RALGAPA2: variants seen among roughly 807,000 people sequenced by gnomAD.
RALGAPA2 encodes ral GTPase-activating protein subunit alpha-2.
In RALGAPA2, 139 loss-of-function variants were observed where a neutral mutation model predicts 230.4. That is an observed-to-expected ratio of 0.60 (90% confidence interval 0.53 to 0.69). The LOEUF is 0.69. Among genes scored for constraint, RALGAPA2 ranks in the 30% least tolerant of loss-of-function variants. RALGAPA2 has a pLI of 0.00. For missense variants in RALGAPA2, 2,163 were observed against 2,276.0 expected (o/e 0.95, Z 1.01); for synonymous variants, 847 against 837.8 (o/e 1.01, Z -0.19).
intron 16 of RALGAPA2, among the ~76,000 whole-genome samples, chr20:20,596,374 A>G (rs1449779269): frequency 6.6e-6 from 1 of 152,248 alleles, no homozygotes; most frequent in Non-Finnish European, 1.5e-5. Context: ...TTAAATGTAA[A>G]CAAAATTAGC....
At chr20:20,677,629 A>AT (rs758379115) in intron 2 of RALGAPA2, among the ~76,000 whole-genome samples, 4,008 of 64,238 alleles carry the variant, frequency 0.062, 869 homozygotes, top group Non-Finnish European at 0.075. Flanking sequence ...GATTTGACCC[A>AT]TTTTTTTTTT....
intron 15 of RALGAPA2, among the ~76,000 whole-genome samples, chr20:20,604,476 C>T (rs2065756243): frequency 6.6e-6 from 1 of 152,184 alleles, no homozygotes; most frequent in African/African-American, 2.4e-5. Flanking sequence ...CTGTAGAATG[C>T]ATCTTAATAG....
intron 23 of RALGAPA2, 115 bp from the exon 24 acceptor site, chr20:20,546,947 C>G: frequency 8.9e-7 from 1 of 1,128,488 alleles, no homozygotes; most frequent in Non-Finnish European, 1.2e-6. Flanking sequence ...GCACAGATTA[C>G]AGAAAATTTT....
At chr20:20,660,858 C>G (rs2067752876) in intron 3 of RALGAPA2, among the ~76,000 whole-genome samples, 1 of 152,126 alleles carries the variant, frequency 6.6e-6, no homozygotes, top group Admixed American at 6.5e-5. Context: ...CTGTCTGCAA[C>G]TAACACCAGT....
chr20:20,428,414 C>T (rs1356493259), intron 37 of RALGAPA2, among the ~76,000 whole-genome samples: 2 of 152,134 alleles, frequency 1.3e-5, no homozygotes, highest in Non-Finnish European at 2.9e-5. Context: ...AAAAAAATAG[C>T]CAAATTGAAT....
chr20:20,464,050 C>T (rs2061361326), intron 37 of RALGAPA2, among the ~76,000 whole-genome samples: 1 of 152,192 alleles, frequency 6.6e-6, no homozygotes, highest in Admixed American at 6.5e-5. Context: ...AGATATTGTC[C>T]TCCACTCAGC....
At chr20:20,506,890 T>G (rs1039278696) in intron 33 of RALGAPA2, among the ~76,000 whole-genome samples, 1 of 152,210 alleles carries the variant, frequency 6.6e-6, no homozygotes. Flanking sequence ...TTTACTCAGC[T>G]TATTCACTTC....
chr20:20,582,231 CACACACA>C (rs2065011120), intron 20 of RALGAPA2, among the ~76,000 whole-genome samples: 1 of 151,198 alleles, frequency 6.6e-6, no homozygotes, highest in Non-Finnish European at 1.5e-5. Flanking sequence ...CAGACTACAC[CACACACA>C]ATATTTTGGG....
intron 23 of RALGAPA2, among the ~76,000 whole-genome samples, chr20:20,569,442 T>C (rs2064554088): frequency 6.6e-6 from 1 of 152,186 alleles, no homozygotes; most frequent in Admixed American, 6.5e-5. Flanking sequence ...CCTCATTTCA[T>C]CTTAGAAGTC....
intron 37 of RALGAPA2, among the ~76,000 whole-genome samples, chr20:20,458,025 A>G (rs978167774): frequency 2.0e-5 from 3 of 152,196 alleles, no homozygotes; most frequent in African/African-American, 7.2e-5. Context: ...GCTGACTCAC[A>G]CTTTAGTCGC....
intron 37 of RALGAPA2, among the ~76,000 whole-genome samples, chr20:20,413,487 CACAA>C (rs1240580940): frequency 6.6e-6 from 1 of 152,104 alleles, no homozygotes; most frequent in Non-Finnish European, 1.5e-5. Flanking sequence ...ATACAGTAGC[CACAA>C]GCCACACGTG....
At chr20:20,430,023 A>G (rs1165501659) in intron 37 of RALGAPA2, among the ~76,000 whole-genome samples, 1 of 152,266 alleles carries the variant, frequency 6.6e-6, no homozygotes, top group Non-Finnish European at 1.5e-5. Flanking sequence ...CTGAGTTCAG[A>G]TGCAGACTCC....
At chr20:20,652,230 C>T (rs531204393) in intron 4 of RALGAPA2, among the ~76,000 whole-genome samples, 26 of 152,202 alleles carry the variant, frequency 1.7e-4, no homozygotes, top group African/African-American at 5.1e-4. Context: ...ATCCACTAAT[C>T]ATGTTGCATT....
intron 27 of RALGAPA2, among the ~76,000 whole-genome samples, chr20:20,527,292 A>G (rs2063233884): frequency 6.6e-6 from 1 of 152,166 alleles, no homozygotes; most frequent in Non-Finnish European, 1.5e-5. Context: ...TACAGAATAA[A>G]CAGTTACTGA....
At chr20:20,690,767 G>A (rs1475854334) in intron 1 of RALGAPA2, among the ~76,000 whole-genome samples, 2 of 152,028 alleles carry the variant, frequency 1.3e-5, no homozygotes, top group African/African-American at 2.4e-5. Context: ...TGGCCCCCTT[G>A]CTCCCCACTG....
chr20:20,596,254 T>C (rs1046423312), intron 16 of RALGAPA2, among the ~76,000 whole-genome samples: 2 of 152,174 alleles, frequency 1.3e-5, no homozygotes, highest in African/African-American at 4.8e-5. Flanking sequence ...AAGTAAGTAA[T>C]TGTCTATTGC....
chr20:20,512,629 G>A lies in RALGAPA2; in HGVS notation c.4740C>T (p.Phe1580=), dbSNP rs780044972. 8 of 1,613,812 alleles carry A rather than the reference G, an allele frequency of 5.0e-6. No individual in the cohort carries two copies. Among genetic ancestry groups the A allele is most frequent in the African/African-American group, 1.3e-5 (1 of 74,904 alleles). Residue 1580 remains phenylalanine (F), a synonymous_variant, in exon 32 of 40, where the codon TTC becomes TTT. Coordinates refer to ENST00000202677, the MANE Select transcript of RALGAPA2 (RefSeq NM_020343.4). ...GGCTGGTGACTTTCATTGCAGAATC[G>A]AAGTTATGACTCTGGATATACTCAT... ...QEDEYIQSHN[F]DSAMKVTSQG...
At chr20:20,662,615 G>A (rs1207948838) in intron 3 of RALGAPA2, among the ~76,000 whole-genome samples, 2 of 152,170 alleles carry the variant, frequency 1.3e-5, no homozygotes, top group African/African-American at 4.8e-5. Context: ...TGGTAGTACT[G>A]CAGGTAATTA....
chr20:20,474,168 A>G (rs1291670222), intron 36 of RALGAPA2, among the ~76,000 whole-genome samples: 1 of 152,244 alleles, frequency 6.6e-6, no homozygotes, highest in African/African-American at 2.4e-5. Flanking sequence ...GTAAAGGCCT[A>G]AAGAAAGTGA....
Sources: gnomAD v4.1 joint callset for allele counts (sites outside exome capture counted in the v4.1 genomes callset) on GRCh38, gnomAD v4.1.1 for gene constraint, MANE v1.5 for transcripts, NCBI Gene and HGNC (gene_info 2026-07-23, HGNC 2026-07-21) for gene names.